PALD1: variants seen among roughly 807,000 people sequenced by gnomAD.
The protein encoded by PALD1 is phosphatase domain containing paladin 1.
Under a neutral mutation model 96.0 loss-of-function variants are expected in PALD1, and 57 were observed. The ratio of observed to expected loss-of-function variants is 0.59; its 90% CI spans 0.48 to 0.74. The LOEUF (loss-of-function observed/expected upper bound fraction) is 0.74, where lower values mean the gene tolerates loss of function less well. Among genes scored for constraint, PALD1 ranks in the 30% least tolerant of loss-of-function variants. The probability of loss-of-function intolerance (pLI) is 0.00; values close to 1 mark genes in which losing one functional copy is unlikely to be tolerated. For synonymous variants in PALD1, 464 were observed against 473.6 expected (o/e 0.98, Z 0.26); for missense variants, 1,063 against 1,143.7 (o/e 0.93, Z 1.02).
the PALD1 span, among the ~76,000 whole-genome samples, chr10:70,459,595 T>C: frequency 6.6e-6 from 1 of 152,138 alleles, no homozygotes; most frequent in African/African-American, 2.4e-5. Flanking sequence ...CACATGACCT[T>C]TGCATGAGTC....
At chr10:70,504,048 G>C (rs544576431) in intron 1 of PALD1, among the ~76,000 whole-genome samples, 5 of 152,188 alleles carry the variant, frequency 3.3e-5, no homozygotes, top group Non-Finnish European at 5.9e-5. Context: ...GACCATCTGG[G>C]CCTCAGTGTC....
intron 18 of PALD1, among the ~76,000 whole-genome samples, chr10:70,560,723 T>A (rs115741381): frequency 0.016 from 2,378 of 152,034 alleles, 32 homozygotes; most frequent in African/African-American, 0.031. Flanking sequence ...GCTGCCTCGA[T>A]GCCAGCCAGG....
chr10:70,467,143 G>T, the PALD1 span, among the ~76,000 whole-genome samples: 2,191 of 152,160 alleles, frequency 0.014, 64 homozygotes, highest in South Asian at 0.069. Flanking sequence ...CCAGCTTCTG[G>T]GGGGTATGGG....
At chr10:70,485,403 C>G (rs1156347382) in intron 1 of PALD1, 1 of 142,686 alleles carries the variant, frequency 7.0e-6, no homozygotes, top group Non-Finnish European at 1.5e-5. Context: ...GAGCAAACTT[C>G]TTTTTTTTTT....
At chr10:70,534,691 TCCCCACCC>T in intron 9 of PALD1, 40 bp from the exon 10 acceptor site, 1 of 1,359,542 alleles carries the variant, frequency 7.4e-7, no homozygotes, top group Non-Finnish European at 1.0e-6. Flanking sequence ...TTGACCCTGC[TCCCCACCC>T]CCCCACCTCC....
intron 1 of PALD1, among the ~76,000 whole-genome samples, chr10:70,505,292 T>C (rs1846362556): frequency 6.6e-6 from 1 of 152,292 alleles, no homozygotes; most frequent in African/African-American, 2.4e-5. Flanking sequence ...ACTTTACTCA[T>C]TTTTGTGAAA....
In PALD1 at chr10:70,529,881, C is replaced by T. The variant is rs1428216625; in HGVS notation, c.289-8C>T. 1.3e-5 allele frequency: 21 copies of T among 1,612,978 alleles called. No individual in the cohort carries two copies. The highest frequency in any genetic ancestry group is 1.8e-5 in the Non-Finnish European group (21 of 1,179,518). On this transcript the variant is annotated splice_region_variant and splice_polypyrimidine_tract_variant and intron_variant, in intron 3 of 19. Transcript: ENST00000263563. ...CTGAGTGACCTTCCTGTGGCTCTCC[C>T]CTGCCAGGGCCGCTACTTCCTGGTG... is the stretch of plus-strand genomic sequence containing the variant.
Position 70,539,223 on chromosome 10 carries a change from C to T in PALD1, c.1701C>T (p.Pro567=), listed in dbSNP as rs751060347. ...GHTYSLRWPG[P]PVAPDQLETL... ...CCTACAGCCTGCGGTGGCCTGGGCC[C>T]CCTGTGGCTCCTGACCAGCTGGAGG... is the stretch of plus-strand genomic sequence containing the variant. Residue 567 remains proline (P), a synonymous_variant, in exon 14 of 20, where the codon CCC becomes CCT. Coordinates refer to ENST00000263563, the MANE Select transcript of PALD1 (RefSeq NM_014431.3). The surrounding 1 kb of genome is among the most constrained non-coding windows in gnomAD (Gnocchi z 4.5). 14 of 1,611,384 alleles carry T rather than the reference C, an allele frequency of 8.7e-6. No homozygotes were observed. Among genetic ancestry groups the T allele is most frequent in the Non-Finnish European group, 1.1e-5 (13 of 1,179,068 alleles).
chr10:70,546,452 G>A (rs899006759), intron 17 of PALD1, among the ~76,000 whole-genome samples: 1 of 152,020 alleles, frequency 6.6e-6, no homozygotes, highest in Non-Finnish European at 1.5e-5. Flanking sequence ...ACCACTTCTT[G>A]ATTGTGGCTC....
At chr10:70,535,150 C>T (rs1847083160) in intron 10 of PALD1, among the ~76,000 whole-genome samples, 1 of 152,236 alleles carries the variant, frequency 6.6e-6, no homozygotes, top group Non-Finnish European at 1.5e-5. Context: ...CACTCATGGC[C>T]TCCCACTAGT....
rs372859052 is a variant in PALD1, at chr10:70,539,193, G to A, written c.1671G>A (p.Gly557=). ...AGGAGGCCGTGTTGGAGTGTGACGG[G>A]CACACCTACAGCCTGCGGTGGCCTG... The part of the protein sequence containing the change: ...LREEAVLECD[G]HTYSLRWPGP... The change falls in exon 14 of 20, where the codon GGG becomes GGA. Residue 557 remains glycine (G), a synonymous_variant. Coordinates refer to ENST00000263563, the MANE Select transcript of PALD1 (RefSeq NM_014431.3). The surrounding 1 kb of genome is among the most constrained non-coding windows in gnomAD (Gnocchi z 4.5). 4.3e-6 allele frequency: 7 copies of A among 1,612,806 alleles called. No homozygotes were observed. The African/African-American group carries it at 8.0e-5, about 18-fold the overall frequency.
Position 70,539,081 on chromosome 10 carries a change from C to G in PALD1, c.1570-11C>G. The G allele has an allele frequency of 6.2e-7, 1 of 1,613,790 alleles. No homozygotes were observed. Among genetic ancestry groups the G allele is most frequent in the Non-Finnish European group, 8.5e-7 (1 of 1,179,858 alleles). On this transcript the variant is annotated splice_polypyrimidine_tract_variant and intron_variant, in intron 13 of 19. Coordinates refer to ENST00000263563, the MANE Select transcript of PALD1 (RefSeq NM_014431.3). This position sits in a 1 kb window ranked among gnomAD's most constrained non-coding sequence, Gnocchi z 4.5. Reference sequence around the variant, plus strand: ...GGGCTGAGCACTCACTGCCGGCCCTCCTGTGCCCAGGCCCTGGGGAGCATC... The same window carrying G: ...GGGCTGAGCACTCACTGCCGGCCCTGCTGTGCCCAGGCCCTGGGGAGCATC...
chr10:70,538,940 A>G lies in PALD1; in HGVS notation c.1501A>G (p.Met501Val), dbSNP rs756483075. Residue 501 changes from methionine (M) to valine (V), a missense_variant, in exon 13 of 20, where the codon ATG becomes GTG. By Grantham distance (21) the Met-to-Val change is conservative. Transcript: ENST00000263563. ...GGACGCGCTCAGCACTGTCAGAGAGATGGATGTGGCCAACTTCCGGCGGGT... is the reference window on the plus strand; with the variant it reads ...GGACGCGCTCAGCACTGTCAGAGAGGTGGATGTGGCCAACTTCCGGCGGGT... Reference protein sequence around the residue: ...SPDALSTVREMDVANFRRVPR... With the variant: ...SPDALSTVREVDVANFRRVPR... 1 of 1,613,838 alleles carries G rather than the reference A, an allele frequency of 6.2e-7. No homozygotes were observed. Among genetic ancestry groups the G allele is most frequent in the South Asian group, 1.1e-5 (1 of 91,088 alleles).
intron 1 of PALD1, among the ~76,000 whole-genome samples, chr10:70,487,959 G>A (rs968113247): frequency 4.6e-5 from 7 of 152,182 alleles, no homozygotes; most frequent in East Asian, 1.9e-4. Context: ...TTTCACATAC[G>A]TGGACTCATA....
In PALD1 at chr10:70,534,456, A is replaced by G. The variant is rs965462965; in HGVS notation, c.1054A>G (p.Met352Val). ...CCCCACGCAGGCCAAGCCCCTGCCT[A>G]TGGAGCAGTTCCAGGTGATCCAGAG... The part of the protein sequence containing the change: ...AAPTQAKPLP[M>V]EQFQVIQSFL... The change falls in exon 9 of 20, where the codon ATG becomes GTG. Residue 352 changes from methionine to valine, a missense_variant. Coordinates refer to ENST00000263563, the MANE Select transcript of PALD1 (RefSeq NM_014431.3). 7.4e-6 allele frequency: 12 copies of G among 1,612,558 alleles called. No individual in the cohort carries two copies. The Middle Eastern group carries it at 5.0e-4, about 67-fold the overall frequency.
At chr10:70,562,265 C>T (rs909449156) in intron 18 of PALD1, among the ~76,000 whole-genome samples, 5 of 152,236 alleles carry the variant, frequency 3.3e-5, no homozygotes, top group Non-Finnish European at 7.3e-5. Flanking sequence ...TCACCCCTGT[C>T]CCCATCTCCA....
At chr10:70,474,293 G>A (rs1458088570), upstream of PALD1, among the ~76,000 whole-genome samples, 1 of 152,118 alleles carries the variant, frequency 6.6e-6, no homozygotes, top group Admixed American at 6.5e-5. Flanking sequence ...GGGCGTGGTG[G>A]CTCACACCTG....
chr10:70,460,654 C>T, the PALD1 span, among the ~76,000 whole-genome samples: 1 of 152,204 alleles, frequency 6.6e-6, no homozygotes, highest in South Asian at 2.1e-4. Context: ...GGAGGCCTCC[C>T]TGCCTCCACC....
intron 4 of PALD1, 105 bp downstream of exon 4, chr10:70,530,173 G>C: frequency 1.1e-6 from 1 of 946,120 alleles, no homozygotes; most frequent in Non-Finnish European, 1.5e-6. Flanking sequence ...CTGCATGCTG[G>C]AGAGGTGGGG....
Sources: gnomAD v4.1 joint callset for allele counts (sites outside exome capture counted in the v4.1 genomes callset) on GRCh38, gnomAD v4.1.1 for gene constraint, Gnocchi (gnomAD v3.1) non-coding constraint, MANE v1.5 for transcripts, NCBI Gene and HGNC (gene_info 2026-07-23, HGNC 2026-07-21) for gene names.